RPS24: variants seen among roughly 807,000 people sequenced by gnomAD.
RPS24 encodes small ribosomal subunit protein eS24.
For synonymous variants in RPS24, 72 were observed against 55.6 expected, an observed-to-expected ratio of 1.30 and a Z score of -1.31; for missense variants, 100 against 162.5, an observed-to-expected ratio of 0.62 and a Z score of 2.09.
intron 1 of RPS24, chr10:78,034,226 C>T: frequency 5.8e-6 from 3 of 518,408 alleles, no homozygotes; most frequent in Non-Finnish European, 1.0e-5. Flanking sequence ...CACATCTCGT[C>T]TGCAGTTCCT....
chr10:78,049,688 G>C (rs2131992352), intron 4 of RPS24, among the ~76,000 whole-genome samples: 1 of 152,344 alleles, frequency 6.6e-6, no homozygotes, highest in East Asian at 1.9e-4. Flanking sequence ...TTCACCCACA[G>C]TGGTGCTAGT....
chr10:78,053,507 A>G (rs1181960355), intron 4 of RPS24, among the ~76,000 whole-genome samples: 1 of 152,186 alleles, frequency 6.6e-6, no homozygotes, highest in Non-Finnish European at 1.5e-5. Flanking sequence ...CTTTGGATTT[A>G]TGTGGCCCGT....
At chr10:78,044,137 G>A (rs944598902), downstream of RPS24, among the ~76,000 whole-genome samples, 3 of 151,342 alleles carry the variant, frequency 2.0e-5, no homozygotes, top group Admixed American at 6.6e-5. Flanking sequence ...TAGGGTTTGC[G>A]GTTTCAGGCA....
exon 5 of RPS24, chr10:78,055,166 A>G: frequency 1.6e-6 from 2 of 1,258,122 alleles, no homozygotes; most frequent in Non-Finnish European, 2.0e-6. Flanking sequence ...TCTCTCACCC[A>G]AATGCCAAAG....
At chr10:78,054,445 A>G (rs1422698282) in intron 4 of RPS24, 1 of 1,236,286 alleles carries the variant, frequency 8.1e-7, no homozygotes, top group African/African-American at 1.5e-5. Flanking sequence ...GGAGGTGCAG[A>G]ATCCCAGGCC....
At chr10:78,047,625 G>A (rs1385806200) in intron 4 of RPS24, among the ~76,000 whole-genome samples, 1 of 152,130 alleles carries the variant, frequency 6.6e-6, no homozygotes, top group African/African-American at 2.4e-5. Flanking sequence ...TATAGGATTC[G>A]GCCCTCGTAG....
downstream of RPS24, among the ~76,000 whole-genome samples, chr10:78,044,812 T>A (rs1028919792): frequency 6.6e-6 from 1 of 150,536 alleles, no homozygotes; most frequent in African/African-American, 2.5e-5. Context: ...TTCAGTGTTT[T>A]GGTTAAAGAA....
chr10:78,039,565 T>C (rs1397664876), intron 4 of RPS24: 2 of 152,970 alleles, frequency 1.3e-5, no homozygotes, highest in Non-Finnish European at 2.9e-5. Context: ...AGAATTGGTA[T>C]TTGTTCTTGC....
chr10:78,050,973 C>T (rs988488513), intron 4 of RPS24, among the ~76,000 whole-genome samples: 2 of 151,982 alleles, frequency 1.3e-5, no homozygotes, highest in East Asian at 1.9e-4. Flanking sequence ...AGCAGATCAC[C>T]TGAGGTCAGG....
At chr10:78,052,172 T>A (rs1317384400) in intron 4 of RPS24, among the ~76,000 whole-genome samples, 1 of 152,024 alleles carries the variant, frequency 6.6e-6, no homozygotes, top group East Asian at 1.9e-4. Flanking sequence ...ATTATAGGCA[T>A]GCACCACCAT....
intron 4 of RPS24, among the ~76,000 whole-genome samples, chr10:78,047,543 C>G (rs1340924604): frequency 5.9e-5 from 9 of 152,316 alleles, no homozygotes; most frequent in South Asian, 4.1e-4. Flanking sequence ...ATGAAAAAAG[C>G]TTGATGCCAG....
exon 5 of RPS24, chr10:78,055,079 G>A: frequency 6.9e-7 from 1 of 1,448,990 alleles, no homozygotes; most frequent in South Asian, 1.5e-5. Context: ...TCTCCACTCA[G>A]CAGCCAGCAG....
At position 78,037,304 on chromosome 10, in the gene RPS24, G is replaced by GGT. The variant is rs1364896151; in HGVS notation, c.390+1_390+2dup. The GGT allele has an allele frequency of 4.4e-6, 7 of 1,594,814 alleles. No individual in the cohort carries two copies. Among genetic ancestry groups the GGT allele is most frequent in the Non-Finnish European group, 5.1e-6 (6 of 1,170,260 alleles). The stretch of plus-strand genomic sequence containing the variant: ...AGGCCAATGTTGGTGCTGGCAAAAA[G>GGT]GTATAGTTCATTAAGGAAAATATAG... On this transcript the variant is annotated frameshift_variant and splice_region_variant. Transcript: ENST00000372360. LOFTEE classifies it high-confidence loss of function.
chr10:78,037,367 GAA>G, intron 4 of RPS24, 63 bp downstream of exon 4: 2 of 1,525,680 alleles, frequency 1.3e-6, no homozygotes, highest in Non-Finnish European at 1.8e-6. Context: ...TTCTAGGAAA[GAA>G]GGGATCTTAT....
At chr10:78,043,851 A>G (rs189980932), downstream of RPS24, among the ~76,000 whole-genome samples, 12 of 152,248 alleles carry the variant, frequency 7.9e-5, no homozygotes, top group East Asian at 2.1e-3. Context: ...CAGTCTGGAA[A>G]ATTATCATGG....
At chr10:78,040,993 C>G (rs940822095), downstream of RPS24, among the ~76,000 whole-genome samples, 1 of 151,192 alleles carries the variant, frequency 6.6e-6, no homozygotes, top group Non-Finnish European at 1.5e-5. Context: ...CCCAGGAGCT[C>G]GAGGCTACAG....
chr10:78,034,066 C>CGT (rs1487183215), intron 1 of RPS24, 162 bp downstream of exon 1: 2 of 879,894 alleles, frequency 2.3e-6, no homozygotes, highest in African/African-American at 3.3e-5. Context: ...GTTGGCAGGG[C>CGT]GTCCGGGCTG....
At chr10:78,048,167 G>A (rs898345387) in intron 4 of RPS24, among the ~76,000 whole-genome samples, 4 of 152,184 alleles carry the variant, frequency 2.6e-5, no homozygotes, top group African/African-American at 9.7e-5. Context: ...ACTTAAGGAA[G>A]CATTTCCAGG....
At position 78,036,226 on chromosome 10, in the gene RPS24, A is replaced by G. The variant is rs1847863668; in HGVS notation, c.279+506A>G. 3 of 192,202 alleles carry G rather than the reference A, an allele frequency of 1.6e-5. No homozygotes were observed. In the South Asian group the frequency reaches 2.8e-4, roughly 18 times the overall value. The allele number at this position is 192,202 out of a possible 1,614,324, so 11.9% of individuals were successfully genotyped here. A position where few individuals can be genotyped will look rare whatever the true frequency, so the allele number is the denominator to read the frequency against. ...CTTGTTTTGTTTGTTCCTTTAACTC[A>G]CTTTATCCTATCCTGTTAGATAAAC... On this transcript the variant is annotated intron_variant, in intron 3 of 5. Transcript: ENST00000372360.
Sources: gnomAD v4.1 joint callset for allele counts (sites outside exome capture counted in the v4.1 genomes callset) on GRCh38, gnomAD v4.1.1 for gene constraint, MANE v1.5 for transcripts, NCBI Gene and HGNC (gene_info 2026-07-23, HGNC 2026-07-21) for gene names.